SSR2: variants seen among roughly 807,000 people sequenced by gnomAD.
SSR2 encodes translocon-associated protein subunit beta.
SSR2 carries 16 observed loss-of-function variants against 22.6 expected under a neutral mutation model. The ratio of observed to expected loss-of-function variants is 0.71; its 90% CI spans 0.48 to 1.08. The LOEUF (loss-of-function observed/expected upper bound fraction) is 1.08. Among genes scored for constraint, SSR2 ranks in the 50% least tolerant of loss-of-function variants. SSR2 has a pLI of 0.00. For synonymous variants in SSR2, 83 were observed against 91.2 expected, an observed-to-expected ratio of 0.91 and a Z score of 0.51; for missense variants, 171 against 221.6, an observed-to-expected ratio of 0.77 and a Z score of 1.45.
At chr1:156,018,120 A>G (rs1039527730) in intron 3 of SSR2, 150 bp downstream of exon 3, 3 of 606,224 alleles carry the variant, frequency 4.9e-6, no homozygotes, top group Non-Finnish European at 8.9e-6. Context: ...TGCTCACACA[A>G]TTTACACCAA....
At chr1:156,019,921 A>ATCTCGGTGGTCGCCG in intron 2 of SSR2, 92 bp downstream of exon 2, 1 of 1,429,114 alleles carries the variant, frequency 7.0e-7, no homozygotes, top group South Asian at 1.4e-5. Context: ...TCCCAAAGAG[A>ATCTCGGTGGTCGCCG]AACCACTACC....
intron 3 of SSR2, among the ~76,000 whole-genome samples, chr1:156,016,135 A>T (rs1226025102): frequency 1.3e-5 from 2 of 152,192 alleles, no homozygotes; most frequent in Non-Finnish European, 2.9e-5. Context: ...AAGAGCGACA[A>T]GAGCGAAACT....
At chr1:156,012,597 C>T (rs750137179) in intron 4 of SSR2, 5 of 456,000 alleles carry the variant, frequency 1.1e-5, no homozygotes, top group African/African-American at 4.0e-5. Context: ...GATGTGAAAA[C>T]ACCGCTAGGT....
At chr1:156,015,508 A>G (rs1683039012) in intron 3 of SSR2, among the ~76,000 whole-genome samples, 1 of 62,830 alleles carries the variant, frequency 1.6e-5, no homozygotes, top group Non-Finnish European at 3.2e-5. Flanking sequence ...TCCGCCTCAA[A>G]AAAAAAAAAA....
At chr1:156,010,855 C>T (rs1682968851) in intron 5 of SSR2, 1 of 152,320 alleles carries the variant, frequency 6.6e-6, no homozygotes, top group Non-Finnish European at 1.5e-5. Context: ...GCTGCTCTCT[C>T]TCCTCAAGTG....
At chr1:156,009,880 T>G (rs1682955968) in intron 5 of SSR2, among the ~76,000 whole-genome samples, 3 of 152,196 alleles carry the variant, frequency 2.0e-5, no homozygotes, top group Non-Finnish European at 2.9e-5. Flanking sequence ...TTCAAATGAT[T>G]TTCCTGCCTC....
At chr1:156,018,187 G>C in intron 3 of SSR2, 83 bp downstream of exon 3, 1 of 985,514 alleles carries the variant, frequency 1.0e-6, no homozygotes, top group Non-Finnish European at 1.6e-6. Context: ...CACATATCCA[G>C]CCTATTTGAA....
At chr1:156,016,329 G>A (rs984023132) in intron 3 of SSR2, among the ~76,000 whole-genome samples, 1 of 151,860 alleles carries the variant, frequency 6.6e-6, no homozygotes, top group Non-Finnish European at 1.5e-5. Flanking sequence ...CGCCTCCTGG[G>A]TTCACACCAT....
At chr1:156,010,001 T>TGGGCA (rs1682957342) in intron 5 of SSR2, among the ~76,000 whole-genome samples, 1 of 152,224 alleles carries the variant, frequency 6.6e-6, no homozygotes, top group South Asian at 2.1e-4. Context: ...CTTGAACTCC[T>TGGGCA]GACCTTATGA....
At chr1:156,016,611 AACAAAT>A (rs892695834) in intron 3 of SSR2, among the ~76,000 whole-genome samples, 20 of 152,304 alleles carry the variant, frequency 1.3e-4, no homozygotes, top group Admixed American at 8.5e-4. Flanking sequence ...ACAAAACAAA[AACAAAT>A]ACAAAGACCA....
At chr1:156,016,319 C>T (rs970299900) in intron 3 of SSR2, among the ~76,000 whole-genome samples, 12 of 151,860 alleles carry the variant, frequency 7.9e-5, no homozygotes, top group East Asian at 3.9e-4. Context: ...CTGCAAGCTC[C>T]GCCTCCTGGG....
chr1:156,018,200 A>G, intron 3 of SSR2, 70 bp downstream of exon 3: 2 of 1,159,542 alleles, frequency 1.7e-6, no homozygotes, highest in Admixed American at 1.7e-5. Context: ...TATTTGAAGT[A>G]CCCCTGCTGC....
At chr1:156,018,163 CAGG>C (rs1683087457) in intron 3 of SSR2, 104 bp downstream of exon 3, 1 of 775,916 alleles carries the variant, frequency 1.3e-6, no homozygotes, top group Non-Finnish European at 2.2e-6. Flanking sequence ...AGAGAGATGA[CAGG>C]AGGACAGCCA....
chr1:156,018,201 C>T (rs1010236726), intron 3 of SSR2, 69 bp downstream of exon 3: 69 of 1,171,212 alleles, frequency 5.9e-5, no homozygotes, highest in Middle Eastern at 1.9e-4. Flanking sequence ...ATTTGAAGTA[C>T]CCCTGCTGCT....
chr1:156,009,592 A>T lies in SSR2; in HGVS notation c.500T>A (p.Leu167Ter). 1 of 1,613,274 alleles carries T rather than the reference A, an allele frequency of 6.2e-7. No homozygotes were observed. Among genetic ancestry groups the T allele is most frequent in the Non-Finnish European group, 8.5e-7 (1 of 1,179,694 alleles). ...ATATTTCCTCTTGCTGGAGTACCACAATAGCAGGGGGATGCCGATGGAGGG... is the reference window on the plus strand; with the variant it reads ...ATATTTCCTCTTGCTGGAGTACCACTATAGCAGGGGGATGCCGATGGAGGG... ...TLPSIGIPLL[L>*]WYSSKRKYDT... The change falls in exon 6 of 6, where the codon TTG becomes TAG. Residue 167 changes from leucine (L) to a stop codon, truncating the protein, a stop_gained. Coordinates refer to ENST00000295702, the MANE Select transcript of SSR2 (RefSeq NM_003145.4). LOFTEE classifies it high-confidence loss of function.
chr1:156,009,843 A>G (rs574101657), intron 5 of SSR2, among the ~76,000 whole-genome samples, 193 bp from the exon 6 acceptor site: 5 of 152,132 alleles, frequency 3.3e-5, no homozygotes, highest in South Asian at 4.1e-4. Context: ...GCACATTCTC[A>G]GCTCACTGCA....
At chr1:156,018,118 C>T in intron 3 of SSR2, 152 bp downstream of exon 3, 1 of 597,976 alleles carries the variant, frequency 1.7e-6, no homozygotes, top group South Asian at 1.9e-5. Context: ...CATGCTCACA[C>T]AATTTACACC....
chr1:156,020,720 C>T (rs1683138786), intron 1 of SSR2, 168 bp downstream of exon 1: 2 of 357,282 alleles, frequency 5.6e-6, no homozygotes, highest in African/African-American at 4.3e-5. Flanking sequence ...GGGCGGGGGT[C>T]AATCACCTCT....
Position 156,020,941 on chromosome 1 carries a change from G to C in SSR2, c.-54C>G, listed in dbSNP as rs747131692. ...CCACAAAGACAGGAAGAGAGCGTCA[G>C]CATCCGAAAGACCGGAAATAAGCAC... On this transcript the variant is annotated 5_prime_UTR_variant, in exon 1 of 6. Transcript: ENST00000295702. 4 of 471,240 alleles carry C rather than the reference G, an allele frequency of 8.5e-6. No homozygotes were observed. The highest frequency in any genetic ancestry group is 1.8e-5 in the Non-Finnish European group (4 of 227,054). The allele number at this position is 471,240 out of a possible 1,614,324, so 29.2% of individuals were successfully genotyped here.
Sources: allele counts gnomAD v4.1 joint callset (sites outside exome capture counted in the v4.1 genomes callset), GRCh38; gene constraint gnomAD v4.1.1; transcripts MANE v1.5; gene names NCBI Gene and HGNC (gene_info 2026-07-23, HGNC 2026-07-21).